The following SLC2A13 variants were observed in gnomAD, a reference collection of about 807,000 sequenced individuals.
SLC2A13 encodes the protein solute carrier family 2 member 13.
SLC2A13 carries 32 observed loss-of-function variants against 64.4 expected under a neutral mutation model. That is an observed-to-expected ratio of 0.50 (90% CI 0.37 to 0.67). The LOEUF is 0.67. Ranked by LOEUF, SLC2A13 falls within the 30% of genes least tolerant of loss-of-function variation. SLC2A13 has a pLI of 0.00. For synonymous variants in SLC2A13, 338 were observed against 327.1 expected (o/e 1.03, Z -0.36); for missense variants, 743 against 829.2 (o/e 0.90, Z 1.28).
chr12:39,920,754 T>C (rs1046667980), intron 4 of SLC2A13, among the ~76,000 whole-genome samples: 3 of 152,026 alleles, frequency 2.0e-5, no homozygotes, highest in Non-Finnish European at 2.9e-5. Flanking sequence ...CATAAAGGTA[T>C]TGTGAGGATT....
intron 1 of SLC2A13, among the ~76,000 whole-genome samples, chr12:40,095,839 T>C (rs1441881098): frequency 3.3e-5 from 5 of 152,236 alleles, no homozygotes; most frequent in Non-Finnish European, 7.3e-5. Flanking sequence ...ATATTCTCTA[T>C]AGAAAATTAT....
intron 4 of SLC2A13, among the ~76,000 whole-genome samples, chr12:39,919,149 C>T (rs908763062): frequency 6.6e-6 from 1 of 151,930 alleles, no homozygotes; most frequent in African/African-American, 2.4e-5. Context: ...CACCTGCATA[C>T]ATATATGTAT....
chr12:39,827,479 G>T (rs1808326626), intron 7 of SLC2A13, among the ~76,000 whole-genome samples: 1 of 152,136 alleles, frequency 6.6e-6, no homozygotes, highest in South Asian at 2.1e-4. Context: ...CCTCTCACCT[G>T]TAAGGCTTAT....
intron 1 of SLC2A13, among the ~76,000 whole-genome samples, chr12:40,102,077 A>G (rs547463146): frequency 2.6e-5 from 4 of 152,254 alleles, no homozygotes; most frequent in African/African-American, 7.2e-5. Flanking sequence ...ACTTTCCTCA[A>G]TCCTGTGTTC....
Position 40,105,633 on chromosome 12 carries a change from C to A in SLC2A13, c.176G>T (p.Gly59Val), listed in dbSNP as rs1305413174. 6.7e-7 allele frequency: 1 copy of A among 1,486,760 alleles called. No individual in the cohort carries two copies. Among genetic ancestry groups the A allele is most frequent in the Non-Finnish European group, 8.9e-7 (1 of 1,122,268 alleles). The allele number at this position is 1,486,760 out of a possible 1,614,324, so 92.1% of individuals were successfully genotyped here. ...TSLQSAGAGG[G>V]GVGDLERAAR... ...CGCGCGCTCCAGGTCCCCGACGCCGCCGCCGCCCGCGCCCGCGCTCTGCAG... is the reference window on the plus strand; with the variant it reads ...CGCGCGCTCCAGGTCCCCGACGCCGACGCCGCCCGCGCCCGCGCTCTGCAG... Residue 59 changes from glycine (G) to valine (V), a missense_variant, in exon 1 of 10, where the codon GGC (glycine) becomes GTC (valine). This residue lies in a region of SLC2A13 where 448 missense variants were observed against 447.4 expected (regional missense o/e 1.00). Coordinates refer to ENST00000280871, the MANE Select transcript of SLC2A13 (RefSeq NM_052885.4). The surrounding 1 kb of genome is among the most constrained non-coding windows in gnomAD (Gnocchi z 4.2).
intron 7 of SLC2A13, among the ~76,000 whole-genome samples, chr12:39,787,561 T>G (rs1941235427): frequency 6.6e-6 from 1 of 152,224 alleles, no homozygotes; most frequent in African/African-American, 2.4e-5. Flanking sequence ...AATCACATTT[T>G]GATATACTTT....
chr12:39,992,023 A>G (rs1332482859), intron 3 of SLC2A13, among the ~76,000 whole-genome samples: 1 of 152,160 alleles, frequency 6.6e-6, no homozygotes. Context: ...TGATTTACAA[A>G]GGAGAGAGAA....
intron 1 of SLC2A13, among the ~76,000 whole-genome samples, chr12:40,098,349 G>C (rs1165161234): frequency 1.3e-5 from 2 of 152,150 alleles, no homozygotes; most frequent in Non-Finnish European, 2.9e-5. Flanking sequence ...AGAGAGGCTG[G>C]GGAATTTGTG....
chr12:39,971,246 G>T (rs1249760211), intron 3 of SLC2A13, among the ~76,000 whole-genome samples: 1 of 152,110 alleles, frequency 6.6e-6, no homozygotes, highest in Non-Finnish European at 1.5e-5. Flanking sequence ...ACAAATTCAA[G>T]ATCAAAGTCA....
intron 6 of SLC2A13, among the ~76,000 whole-genome samples, chr12:39,856,462 G>A (rs533609882): frequency 3.3e-5 from 5 of 152,206 alleles, no homozygotes; most frequent in Admixed American, 6.5e-5. Flanking sequence ...TCTGCCTCCC[G>A]GGCTCAAGCG....
At position 39,980,694 on chromosome 12, in the gene SLC2A13, A is replaced by G. The variant is rs1215546182; in HGVS notation, c.926-29329T>C. ...TAAAGCAAGTCCTGAGTGACCTACA[A>G]AGAGACTTAGACTCCCACACAATAA... On this transcript the variant is annotated intron_variant, in intron 3 of 9. Transcript: ENST00000280871. Among the ~76,000 whole-genome samples, 3 of 151,756 alleles carry G rather than the reference A, an allele frequency of 2.0e-5. No individual in the cohort carries two copies. The East Asian group carries it at 5.8e-4, about 29-fold the overall frequency.
chr12:39,978,604 G>T (rs868075528), intron 3 of SLC2A13, among the ~76,000 whole-genome samples: 1 of 152,158 alleles, frequency 6.6e-6, no homozygotes, highest in Admixed American at 6.5e-5. Context: ...CGAATATGGC[G>T]CTTTTCAGAC....
intron 6 of SLC2A13, among the ~76,000 whole-genome samples, chr12:39,852,231 G>C (rs1167947443): frequency 1.3e-5 from 2 of 152,138 alleles, no homozygotes; most frequent in African/African-American, 4.8e-5. Context: ...AGTCCATAAG[G>C]GAGAAATAAA....
chr12:39,870,744 C>G (rs551903713), intron 5 of SLC2A13, among the ~76,000 whole-genome samples: 1 of 152,276 alleles, frequency 6.6e-6, no homozygotes, highest in East Asian at 1.9e-4. Flanking sequence ...TGCAGTTCAG[C>G]ACACATTATT....
intron 7 of SLC2A13, among the ~76,000 whole-genome samples, chr12:39,773,248 T>C (rs1940649708): frequency 6.6e-6 from 1 of 152,082 alleles, no homozygotes; most frequent in Non-Finnish European, 1.5e-5. Context: ...GGCACTGCAG[T>C]GGACAAAGCA....
intron 1 of SLC2A13, among the ~76,000 whole-genome samples, chr12:40,080,283 G>T (rs951773229): frequency 6.6e-6 from 1 of 152,192 alleles, no homozygotes; most frequent in Admixed American, 6.5e-5. Context: ...CTATGAGTGG[G>T]TTTGCATTTC....
chr12:39,784,567 C>A (rs972876047), intron 7 of SLC2A13, among the ~76,000 whole-genome samples: 1 of 152,096 alleles, frequency 6.6e-6, no homozygotes, highest in Non-Finnish European at 1.5e-5. Flanking sequence ...CTTATACAAA[C>A]ATTAATTCAA....
intron 7 of SLC2A13, among the ~76,000 whole-genome samples, chr12:39,821,465 T>C (rs1016963171): frequency 3.9e-5 from 6 of 152,132 alleles, no homozygotes. Context: ...GGTATCTTGC[T>C]ATATCAGTCA....
chr12:39,813,417 C>T (rs1160577839), intron 7 of SLC2A13, among the ~76,000 whole-genome samples: 5 of 152,090 alleles, frequency 3.3e-5, no homozygotes, highest in African/African-American at 1.2e-4. Context: ...AATGACATTT[C>T]ATCTAAATTG....
Sources: allele counts gnomAD v4.1 joint callset (sites outside exome capture counted in the v4.1 genomes callset), GRCh38; gene constraint gnomAD v4.1.1; regional missense constraint gnomAD v4.1.1; non-coding constraint Gnocchi (gnomAD v3.1); transcripts MANE v1.5; gene names NCBI Gene and HGNC (gene_info 2026-07-23, HGNC 2026-07-21).